Variants in RPAP1 observed in about 807,000 individuals in gnomAD.
The protein encoded by RPAP1 is RNA polymerase II-associated protein 1.
A neutral mutation model predicts 142.4 loss-of-function variants in RPAP1; 109 were observed. That is an observed-to-expected ratio of 0.77 (90% CI 0.66 to 0.90). The LOEUF (loss-of-function observed/expected upper bound fraction) is 0.90, where lower values mean the gene tolerates loss of function less well. Among genes scored for constraint, RPAP1 ranks in the 40% least tolerant of loss-of-function variants. RPAP1 has a pLI of 0.00. For synonymous variants in RPAP1, 704 were observed against 738.9 expected (o/e 0.95, Z 0.77); for missense variants, 1,546 against 1,751.7 (o/e 0.88, Z 2.10).
intron 6 of RPAP1, among the ~76,000 whole-genome samples, chr15:41,531,619 ATATATATATTTTTTTTTTTTTTTT>A (rs2051849978): frequency 3.7e-5 from 1 of 27,258 alleles, no homozygotes; most frequent in African/African-American, 1.3e-4. Flanking sequence ...ATATATATAT[ATATATATATTTTTTTTTTTTTTTT>A]TTTTTTTTTT....
chr15:41,529,877 T>C lies in RPAP1; in HGVS notation c.1046A>G (p.Gln349Arg), dbSNP rs772895017. 2.5e-6 allele frequency: 4 copies of C among 1,607,982 alleles called. No individual in the cohort carries two copies. Among genetic ancestry groups the C allele is most frequent in the Non-Finnish European group, 3.4e-6 (4 of 1,176,954 alleles). ...GGCCCTCCTCACCTCCTGTGTCTGC[T>C]GCCGCCGGACAGGGGGCAAGTCCTG... ...WTQDLPPVRRQQTQERMQARF... is the reference protein window; with the variant it reads ...WTQDLPPVRRRQTQERMQARF... Residue 349 changes from glutamine to arginine, a missense_variant, in exon 8 of 25, where the codon CAG (glutamine) becomes CGG (arginine). Gln to Arg is a conservative substitution (Grantham distance 43, BLOSUM62 1). Around this residue, in one of 3 missense-constraint regions of RPAP1, gnomAD observed 1,333 missense variants for 1,486.6 expected, o/e 0.90. Transcript: ENST00000304330.
chr15:41,538,674 G>A (rs866495590), intron 1 of RPAP1, among the ~76,000 whole-genome samples: 3 of 152,126 alleles, frequency 2.0e-5, no homozygotes, highest in African/African-American at 7.2e-5. Flanking sequence ...GATTTATATA[G>A]ATAGTATGAA....
intron 2 of RPAP1, 104 bp from the exon 3 acceptor site, chr15:41,536,753 G>A (rs2051913796): frequency 2.7e-6 from 4 of 1,466,674 alleles, no homozygotes; most frequent in Non-Finnish European, 3.7e-6. Context: ...GGCTCAAGCT[G>A]TGTCATCTTG....
At chr15:41,522,368 C>T in intron 19 of RPAP1, 118 bp from the exon 20 acceptor site, 4 of 933,772 alleles carry the variant, frequency 4.3e-6, no homozygotes, top group Non-Finnish European at 6.4e-6. Flanking sequence ...GGCCTCCCTT[C>T]CCCATGGGAC....
chr15:41,541,683 T>C (rs972775407), intron 1 of RPAP1, among the ~76,000 whole-genome samples: 1 of 151,582 alleles, frequency 6.6e-6, no homozygotes, highest in Non-Finnish European at 1.5e-5. Context: ...CCGTCTCTAC[T>C]AAAAATACAA....
Position 41,523,374 on chromosome 15 carries a change from A to C in RPAP1, c.2437-20T>G. ...GCTTGGCTGGTGGACCAAGGAATTC[A>C]CTGAGCTGATGGCCCAGCCATTCAT... On this transcript the variant is annotated intron_variant, in intron 17 of 24. Coordinates refer to ENST00000304330, the MANE Select transcript of RPAP1 (RefSeq NM_015540.4). The C allele has an allele frequency of 6.8e-7, 1 of 1,477,214 alleles. No individual in the cohort carries two copies. Among genetic ancestry groups the C allele is most frequent in the Non-Finnish European group, 9.4e-7 (1 of 1,068,582 alleles). 91.5% of individuals were successfully genotyped at this position (1,477,214 alleles called of 1,614,324 possible).
intron 22 of RPAP1, 200 bp from the exon 23 acceptor site, chr15:41,518,382 C>T (rs1022257694): frequency 2.1e-6 from 1 of 483,734 alleles, no homozygotes; most frequent in East Asian, 3.4e-5. Context: ...GAGAAGCAGC[C>T]ATTAAAAAGC....
intron 1 of RPAP1, among the ~76,000 whole-genome samples, chr15:41,537,619 C>T (rs761457616): frequency 5.3e-5 from 8 of 152,170 alleles, no homozygotes; most frequent in Non-Finnish European, 7.3e-5. Flanking sequence ...CAGTGGCTCA[C>T]GCCCGTAATC....
At chr15:41,517,744 C>T in intron 24 of RPAP1, 53 bp from the exon 25 acceptor site, 2 of 1,614,066 alleles carry the variant, frequency 1.2e-6, no homozygotes, top group Non-Finnish European at 1.7e-6. Context: ...CTGTTGTGGT[C>T]TCTGTCCCCC....
In RPAP1 at chr15:41,523,764, C is replaced by T. The variant is rs764700167; in HGVS notation, c.2436+7G>A. ...GGCCTGGTGGACAGCCGGCAGGAGG[C>T]ACTCACTTGCTGGCTCCAGGCCTGG... On this transcript the variant is annotated splice_region_variant and intron_variant, in intron 17 of 24. Transcript: ENST00000304330. 4.3e-5 allele frequency: 69 copies of T among 1,588,374 alleles called. No homozygotes were observed. Among genetic ancestry groups the T allele is most frequent in the Non-Finnish European group, 5.9e-5 (69 of 1,168,294 alleles).
chr15:41,542,869 A>T (rs1473935736), intron 1 of RPAP1, among the ~76,000 whole-genome samples: 1 of 152,194 alleles, frequency 6.6e-6, no homozygotes, highest in Non-Finnish European at 1.5e-5. Flanking sequence ...GGGCAGTCTG[A>T]CCAACAAACA....
intron 1 of RPAP1, among the ~76,000 whole-genome samples, chr15:41,543,040 AG>A (rs2051985302): frequency 7.9e-5 from 12 of 152,266 alleles, no homozygotes; most frequent in Admixed American, 7.9e-4. Flanking sequence ...CCAAAAGCAA[AG>A]TCCAGCTCAC....
In RPAP1 at chr15:41,533,658, G is replaced by A. The variant is rs1040283895; in HGVS notation, c.763+1056C>T. ...AGCCTGGCCAATACAGGGAAACCCC[G>A]TCTCTACTAAAAATACAAAAAATAA... On this transcript the variant is annotated intron_variant, in intron 6 of 24. Coordinates refer to ENST00000304330, the MANE Select transcript of RPAP1 (RefSeq NM_015540.4). Among the ~76,000 whole-genome samples, 8 of 151,692 alleles carry A rather than the reference G, an allele frequency of 5.3e-5. No homozygotes were observed. The South Asian group carries it at 1.3e-3, about 24-fold the overall frequency.
At chr15:41,526,831 C>T (rs2051795196) in intron 14 of RPAP1, 67 bp downstream of exon 14, 2 of 1,467,796 alleles carry the variant, frequency 1.4e-6, no homozygotes, top group Non-Finnish European at 1.8e-6. Flanking sequence ...GTTCAGGAGC[C>T]ATGTTTAGCT....
intron 21 of RPAP1, 29 bp from the exon 22 acceptor site, chr15:41,521,176 A>T: frequency 6.6e-7 from 1 of 1,508,938 alleles, no homozygotes; most frequent in Non-Finnish European, 8.8e-7. Flanking sequence ...GCCAAAAATG[A>T]GGGCTGGAAC....
At chr15:41,541,086 GAT>G (rs36022972) in intron 1 of RPAP1, among the ~76,000 whole-genome samples, 27,831 of 151,946 alleles carry the variant, frequency 0.18, 3,167 homozygotes, top group South Asian at 0.34. Flanking sequence ...TGAAGGATAA[GAT>G]AGGCCTCCAG....
chr15:41,538,486 A>G (rs1431817097), intron 1 of RPAP1, among the ~76,000 whole-genome samples: 1 of 150,948 alleles, frequency 6.6e-6, no homozygotes, highest in Non-Finnish European at 1.5e-5. Flanking sequence ...CTTGACAATG[A>G]TAAGTGATCA....
At position 41,536,628 on chromosome 15, in the gene RPAP1, G is replaced by T; in HGVS notation, c.203C>A (p.Ala68Asp). The T allele has an allele frequency of 6.2e-7, 1 of 1,613,974 alleles. No individual in the cohort carries two copies. The highest frequency in any genetic ancestry group is 2.2e-5 in the East Asian group (1 of 44,884). The part of the protein sequence containing the change: ...MLDNLPDLPP[A>D]LVPSPPKRAR... ...TCTCTTTGGAGGAGAAGGGACCAAA[G>T]CTGGGGGCAAATCTGGGAGATCTGA... The change falls in exon 3 of 25, where the codon GCT (alanine) becomes GAT (aspartate). Residue 68 changes from alanine to aspartate, a missense_variant. Physicochemically the swap from Ala to Asp is moderately radical, Grantham distance 126. This residue lies in a region of RPAP1 where 1,333 missense variants were observed against 1,486.6 expected (regional missense o/e 0.90). Transcript: ENST00000304330.
At position 41,527,267 on chromosome 15, in the gene RPAP1, C is replaced by T. The variant is rs774093071; in HGVS notation, c.1646G>A (p.Arg549His). Residue 549 changes from arginine to histidine, a missense_variant, in exon 13 of 25, where the codon CGC becomes CAC. Transcript: ENST00000304330. ...LLATSLLPRLRYVLEVTYPGP... is the reference protein window; with the variant it reads ...LLATSLLPRLHYVLEVTYPGP... ...TGGGTATGTCACCTCCAGCACGTAG[C>T]GCAGCCGAGGCAGCAGGCTGGTAGC... 1.7e-5 allele frequency: 28 copies of T among 1,614,078 alleles called. No individual in the cohort carries two copies. Among genetic ancestry groups the T allele is most frequent in the Admixed American group, 1.2e-4 (7 of 60,004 alleles).
Sources: allele counts gnomAD v4.1 joint callset (sites outside exome capture counted in the v4.1 genomes callset), GRCh38; gene constraint gnomAD v4.1.1; regional missense constraint gnomAD v4.1.1; transcripts MANE v1.5; gene names NCBI Gene and HGNC (gene_info 2026-07-23, HGNC 2026-07-21).